Variants in SMYD3 observed in about 807,000 individuals in gnomAD.
The protein encoded by SMYD3 is SET and MYND domain containing 3.
Under a neutral mutation model 57.7 loss-of-function variants are expected in SMYD3, and 36 were observed. That is an observed-to-expected ratio of 0.62 (90% confidence interval 0.48 to 0.82). The LOEUF (loss-of-function observed/expected upper bound fraction) is 0.82. Among genes scored for constraint, SMYD3 ranks in the 40% least tolerant of loss-of-function variants. The pLI is 0.00. For synonymous variants in SMYD3, 211 were observed against 195.0 expected, an observed-to-expected ratio of 1.08 and a Z score of -0.68; for missense variants, 515 against 538.8, an observed-to-expected ratio of 0.96 and a Z score of 0.44.
chr1:246,265,410 A>G (rs1286051164), intron 5 of SMYD3, among the ~76,000 whole-genome samples: 1 of 152,006 alleles, frequency 6.6e-6, no homozygotes, highest in Non-Finnish European at 1.5e-5. Flanking sequence ...AAGTGCTAGG[A>G]TTATAGGCAT....
intron 10 of SMYD3, among the ~76,000 whole-genome samples, chr1:245,825,419 C>T (rs2049427681): frequency 6.6e-6 from 1 of 152,136 alleles, no homozygotes; most frequent in Non-Finnish European, 1.5e-5. Flanking sequence ...GCAAGCGGCC[C>T]CTCCACCTGG....
chr1:246,143,126 TACACACACACACACAC>T (rs370332515), intron 5 of SMYD3, among the ~76,000 whole-genome samples: 3 of 146,004 alleles, frequency 2.1e-5, no homozygotes, highest in African/African-American at 2.5e-5. Flanking sequence ...GTATATTTAA[TACACACACACACACAC>T]ACACACACAC....
At chr1:245,829,912 T>C (rs2148377210) in intron 10 of SMYD3, among the ~76,000 whole-genome samples, 1 of 152,174 alleles carries the variant, frequency 6.6e-6, no homozygotes, top group African/African-American at 2.4e-5. Context: ...CTGTCTAGAA[T>C]AGGCAAATCT....
chr1:246,044,086 G>A (rs1013374443), intron 5 of SMYD3, among the ~76,000 whole-genome samples: 4 of 152,094 alleles, frequency 2.6e-5, no homozygotes, highest in Non-Finnish European at 2.9e-5. Context: ...TTTTTAAAAC[G>A]GAGAGAGATC....
intron 5 of SMYD3, among the ~76,000 whole-genome samples, chr1:246,086,372 T>C (rs1328859200): frequency 6.6e-6 from 1 of 152,176 alleles, no homozygotes; most frequent in Non-Finnish European, 1.5e-5. Flanking sequence ...CTAATAAATG[T>C]TTGTATCTGT....
chr1:246,222,292 G>T (rs2063267893), intron 5 of SMYD3, among the ~76,000 whole-genome samples: 1 of 152,092 alleles, frequency 6.6e-6, no homozygotes, highest in Non-Finnish European at 1.5e-5. Flanking sequence ...GATTATCATA[G>T]CTCTAAGAAA....
In SMYD3 at chr1:246,463,907, A is replaced by G. The variant is rs142289359; in HGVS notation, c.164+43147T>C. ...TTTAGACTGAAATATAATTTCAAGA[A>G]TAACAATTATATAAGTAATTGCAAC... is the stretch of plus-strand genomic sequence containing the variant. On this transcript the variant is annotated intron_variant, in intron 1 of 11. Transcript: ENST00000490107. Among the ~76,000 whole-genome samples, 126 of 151,958 alleles carry G rather than the reference A, an allele frequency of 8.3e-4. 9 individuals carry two copies. The East Asian group carries it at 0.017, about 20-fold the overall frequency.
chr1:245,792,104 T>C (rs995619826), intron 10 of SMYD3, among the ~76,000 whole-genome samples: 2 of 152,150 alleles, frequency 1.3e-5, no homozygotes, highest in African/African-American at 4.8e-5. Flanking sequence ...GGTTTACAAC[T>C]GAGCCAACTC....
At chr1:245,904,311 T>C (rs186760191) in intron 8 of SMYD3, among the ~76,000 whole-genome samples, 1 of 152,298 alleles carries the variant, frequency 6.6e-6, no homozygotes, top group Admixed American at 6.5e-5. Flanking sequence ...TCCTCTTCAC[T>C]ATGATTTTAA....
At chr1:246,201,258 T>G (rs897249492) in intron 5 of SMYD3, among the ~76,000 whole-genome samples, 1 of 152,176 alleles carries the variant, frequency 6.6e-6, no homozygotes, top group Non-Finnish European at 1.5e-5. Flanking sequence ...GATGAGAATA[T>G]GGACACATCC....
intron 5 of SMYD3, among the ~76,000 whole-genome samples, chr1:246,267,565 G>A (rs1422112446): frequency 6.6e-6 from 1 of 152,178 alleles, no homozygotes; most frequent in African/African-American, 2.4e-5. Flanking sequence ...TCTTATCTAA[G>A]AATTCACCGT....
intron 1 of SMYD3, among the ~76,000 whole-genome samples, chr1:246,453,809 C>T (rs1387977021): frequency 6.6e-6 from 1 of 152,186 alleles, no homozygotes; most frequent in Non-Finnish European, 1.5e-5. Flanking sequence ...TTAATACCTT[C>T]TATTACCAGC....
intron 1 of SMYD3, among the ~76,000 whole-genome samples, chr1:246,488,343 A>T (rs2068218762): frequency 1.3e-5 from 2 of 152,224 alleles, no homozygotes; most frequent in South Asian, 2.1e-4. Context: ...AAGCAAAAAC[A>T]GAAGAAAGTG....
chr1:245,815,823 G>T (rs2048774654), intron 10 of SMYD3, among the ~76,000 whole-genome samples: 1 of 152,200 alleles, frequency 6.6e-6, no homozygotes, highest in Non-Finnish European at 1.5e-5. Context: ...ACGGGCCTTT[G>T]AAGTGTTTCA....
chr1:245,859,553 T>A (rs1482681354), intron 9 of SMYD3, among the ~76,000 whole-genome samples: 1 of 152,212 alleles, frequency 6.6e-6, no homozygotes, highest in Non-Finnish European at 1.5e-5. Flanking sequence ...AGCGTAATTT[T>A]AATCCCTCCC....
chr1:245,806,592 A>G (rs1163144734), intron 10 of SMYD3, among the ~76,000 whole-genome samples: 3 of 152,136 alleles, frequency 2.0e-5, no homozygotes, highest in Non-Finnish European at 4.4e-5. Flanking sequence ...TGTTATTTCT[A>G]AAGATGAACT....
At chr1:246,220,973 C>A (rs1448495792) in intron 5 of SMYD3, among the ~76,000 whole-genome samples, 3 of 151,942 alleles carry the variant, frequency 2.0e-5, no homozygotes, top group Admixed American at 2.0e-4. Flanking sequence ...GGGGCCTCCT[C>A]TCTGCTGAGA....
In SMYD3 at chr1:245,963,777, C is replaced by T. The variant is rs139740678; in HGVS notation, c.532-33840G>A. ...TGGGGCTTTGGCAGAGCCTAACCTA[C>T]CTGGGGAAGGAAAATACCCAACTCC... On this transcript the variant is annotated intron_variant, in intron 5 of 11. Coordinates refer to ENST00000490107, the MANE Select transcript of SMYD3 (RefSeq NM_001167740.2). Among the ~76,000 whole-genome samples the T allele has an allele frequency of 4.1e-3, 626 of 152,270 alleles. 3 individuals carry two copies. Among genetic ancestry groups the T allele is most frequent in the African/African-American group, 0.014 (568 of 41,552 alleles).
At chr1:245,760,669 G>T (rs533659035) in intron 11 of SMYD3, among the ~76,000 whole-genome samples, 16 of 152,264 alleles carry the variant, frequency 1.1e-4, no homozygotes, top group African/African-American at 3.6e-4. Flanking sequence ...ATGTTAGGTG[G>T]CACCAGAAGA....
Sources: gnomAD v4.1 joint callset for allele counts (sites outside exome capture counted in the v4.1 genomes callset) on GRCh38, gnomAD v4.1.1 for gene constraint, MANE v1.5 for transcripts, NCBI Gene and HGNC (gene_info 2026-07-23, HGNC 2026-07-21) for gene names.